Variants in PRMT7 observed in about 807,000 individuals in gnomAD.
PRMT7 encodes protein arginine methyltransferase 7, also known as protein arginine N-methyltransferase 7.
A neutral mutation model predicts 85.4 loss-of-function variants in PRMT7; 75 were observed. That is an observed-to-expected ratio of 0.88 (90% confidence interval 0.73 to 1.06). The LOEUF (loss-of-function observed/expected upper bound fraction) is 1.06. PRMT7 is among the 50% of genes least tolerant of loss of function. PRMT7 has a pLI of 0.00. For synonymous variants in PRMT7, 397 were observed against 359.5 expected, an observed-to-expected ratio of 1.10 and a Z score of -1.18; for missense variants, 868 against 915.2, an observed-to-expected ratio of 0.95 and a Z score of 0.67.
At chr16:68,315,790 C>A in intron 2 of PRMT7, 107 bp from the exon 3 acceptor site, 1 of 594,704 alleles carries the variant, frequency 1.7e-6, no homozygotes, top group Non-Finnish European at 3.0e-6. Context: ...TTTTTCCCCG[C>A]TTTTGTCTCC....
At chr16:68,346,916 A>G (rs2086485371) in intron 11 of PRMT7, among the ~76,000 whole-genome samples, 2 of 152,064 alleles carry the variant, frequency 1.3e-5, no homozygotes, top group South Asian at 4.2e-4. Context: ...CTCTAACCAG[A>G]CAGGGAAGAA....
chr16:68,353,680 G>T, intron 16 of PRMT7, 114 bp downstream of exon 16: 1 of 971,764 alleles, frequency 1.0e-6, no homozygotes, highest in South Asian at 2.0e-5. Flanking sequence ...GTGAGGTCAG[G>T]TGCTGCCATT....
chr16:68,322,155 A>C (rs902955725), intron 4 of PRMT7, among the ~76,000 whole-genome samples: 4 of 152,144 alleles, frequency 2.6e-5, no homozygotes, highest in Non-Finnish European at 4.4e-5. Context: ...ACTTGGGATT[A>C]CAGGTGCGTG....
chr16:68,336,338 T>C (rs902119334), intron 6 of PRMT7, among the ~76,000 whole-genome samples: 2 of 152,224 alleles, frequency 1.3e-5, no homozygotes, highest in Admixed American at 6.5e-5. Flanking sequence ...CCTACTCTTC[T>C]CTAAAATCCT....
At chr16:68,354,212 G>A (rs6499173) in intron 16 of PRMT7, 118,696 of 152,210 alleles carry the variant, frequency 0.78, 47,160 homozygotes, top group African/African-American at 0.94. Context: ...ACCCTGTCTC[G>A]ACAAAAAATA....
chr16:68,345,089 A>G (rs1567713672), intron 9 of PRMT7, among the ~76,000 whole-genome samples: 1 of 152,166 alleles, frequency 6.6e-6, no homozygotes, highest in Admixed American at 6.5e-5. Context: ...AATGAAACAC[A>G]TGATCACACC....
intron 9 of PRMT7, among the ~76,000 whole-genome samples, 181 bp from the exon 10 acceptor site, chr16:68,345,494 C>A (rs537400372): frequency 1.1e-3 from 161 of 152,326 alleles, no homozygotes; most frequent in African/African-American, 3.8e-3. Flanking sequence ...AGGGTTCCCG[C>A]AAACTTTTGG....
intron 5 of PRMT7, chr16:68,327,977 A>G (rs1412245097): frequency 1.3e-5 from 2 of 155,814 alleles, no homozygotes; most frequent in South Asian, 1.7e-4. Flanking sequence ...GAAATTATTT[A>G]TAAGTTGTAA....
intron 13 of PRMT7, among the ~76,000 whole-genome samples, chr16:68,348,132 T>TG (rs2151850517): frequency 6.6e-6 from 1 of 152,300 alleles, no homozygotes; most frequent in East Asian, 1.9e-4. Flanking sequence ...AAATTTCTTT[T>TG]GCTTTTATCA....
At chr16:68,323,554 T>G (rs562602632) in intron 4 of PRMT7, 2 of 152,342 alleles carry the variant, frequency 1.3e-5, no homozygotes, top group East Asian at 3.9e-4. Flanking sequence ...TCTAGATATT[T>G]TCTAATTCCA....
At chr16:68,315,384 C>T (rs2044590436) in intron 2 of PRMT7, 1 of 153,678 alleles carries the variant, frequency 6.5e-6, no homozygotes, top group Non-Finnish European at 1.4e-5. Context: ...TGTTTTTGCT[C>T]ATCATTATAT....
Position 68,339,854 on chromosome 16 carries a change from A to G in PRMT7, c.813A>G (p.Thr271=), listed in dbSNP as rs1190028215. Residue 271 remains threonine (T), a synonymous_variant, in exon 9 of 19, where the codon ACA becomes ACG. Transcript: ENST00000441236. ...ATAGCAGGCGGTTTGAACCTCTGAC[A>G]TCTGGCCGAGCTCAGGTGGTTCTCT... ...ACHSRRFEPL[T]SGRAQVVLSW... is the part of the protein sequence containing the mutation. 5 of 1,614,108 alleles carry G rather than the reference A, an allele frequency of 3.1e-6. No homozygotes were observed. The East Asian group carries it at 8.9e-5, about 29-fold the overall frequency.
intron 9 of PRMT7, among the ~76,000 whole-genome samples, chr16:68,340,531 G>T (rs3785119): frequency 0.78 from 118,567 of 151,152 alleles, 47,288 homozygotes; most frequent in African/African-American, 0.94. Flanking sequence ...CAGTGAGTCG[G>T]GACTGCATTA....
intron 10 of PRMT7, 50 bp from the exon 11 acceptor site, chr16:68,346,095 C>T: frequency 1.2e-6 from 2 of 1,607,612 alleles, no homozygotes; most frequent in Non-Finnish European, 1.7e-6. Flanking sequence ...CCTCTGGAGA[C>T]CTGTGGAGGC....
intron 6 of PRMT7, among the ~76,000 whole-genome samples, chr16:68,337,251 G>C (rs552383611): frequency 6.6e-6 from 1 of 151,640 alleles, no homozygotes; most frequent in South Asian, 2.1e-4. Flanking sequence ...ATCAATTAGC[G>C]TTTTGTCATA....
At chr16:68,338,670 T>G (rs3785115) in intron 7 of PRMT7, among the ~76,000 whole-genome samples, 92,980 of 151,906 alleles carry the variant, frequency 0.61, 28,661 homozygotes, top group East Asian at 0.79. Context: ...GGCCAGTTAT[T>G]CTGCTAGCCT....
intron 9 of PRMT7, among the ~76,000 whole-genome samples, chr16:68,342,053 G>A (rs1318633806): frequency 6.6e-6 from 1 of 152,168 alleles, no homozygotes; most frequent in African/African-American, 2.4e-5. Context: ...CCAGGTGGGT[G>A]GATCATTTGA....
At position 68,347,081 on chromosome 16, in the gene PRMT7, G is replaced by A. The variant is rs1040425307; in HGVS notation, c.1192-130G>A. 3.0e-5 allele frequency: 23 copies of A among 765,966 alleles called. No individual in the cohort carries two copies. The African/African-American group carries it at 3.7e-4, about 12-fold the overall frequency. The allele number at this position is 765,966 out of a possible 1,614,324, so 47.4% of individuals were successfully genotyped here. The stretch of plus-strand genomic sequence containing the variant: ...TTGTGGCTGGGGGTGGTTACTGCAT[G>A]AGGACGCAGGGGGATGGTCTGAGGT... On this transcript the variant is annotated intron_variant, in intron 11 of 18. Coordinates refer to ENST00000441236, the MANE Select transcript of PRMT7 (RefSeq NM_019023.5).
chr16:68,345,307 T>C (rs1263744673), intron 9 of PRMT7, among the ~76,000 whole-genome samples: 1 of 152,228 alleles, frequency 6.6e-6, no homozygotes, highest in Non-Finnish European at 1.5e-5. Flanking sequence ...CTTAAACCAC[T>C]AGGTTTAAAC....
Sources: gnomAD v4.1 joint callset for allele counts (sites outside exome capture counted in the v4.1 genomes callset) on GRCh38, gnomAD v4.1.1 for gene constraint, MANE v1.5 for transcripts, NCBI Gene and HGNC (gene_info 2026-07-23, HGNC 2026-07-21) for gene names.